MARCHF7: variants seen among roughly 807,000 people sequenced by gnomAD.
MARCHF7 encodes the protein E3 ubiquitin-protein ligase MARCHF7.
MARCHF7 carries 20 observed loss-of-function variants against 76.5 expected under a neutral mutation model. The observed-to-expected ratio is 0.26, with a 90% CI of 0.18 to 0.38. The LOEUF (loss-of-function observed/expected upper bound fraction) is 0.38. Among genes scored for constraint, MARCHF7 ranks in the 10% least tolerant of loss-of-function variants. The probability of loss-of-function intolerance (pLI) is 1.00; values close to 1 mark genes in which losing one functional copy is unlikely to be tolerated. For missense variants in MARCHF7, 797 were observed against 812.9 expected (o/e 0.98, Z 0.24); for synonymous variants, 295 against 293.0 (o/e 1.01, Z -0.07).
chr2:159,761,294 G>A (rs1707034452), intron 9 of MARCHF7, among the ~76,000 whole-genome samples: 1 of 151,512 alleles, frequency 6.6e-6, no homozygotes, highest in African/African-American at 2.4e-5. Flanking sequence ...AAAGTGCTGG[G>A]ATTACAGGCG....
chr2:159,722,373 A>G (rs542538169), intron 3 of MARCHF7, among the ~76,000 whole-genome samples: 1 of 152,280 alleles, frequency 6.6e-6, no homozygotes, highest in South Asian at 2.1e-4. Context: ...CCTGGCCTCA[A>G]GTGATCCACC....
rs1349808042 is a variant in MARCHF7 at position 159,768,454 on chromosome 2, ACTT to A, written c.*1113_*1115del. ...AGGTCTGATGTTATGGCAACAAACT[ACTT>A]TTTCAAACCTAAATAGGAACCATGT... is the stretch of plus-strand genomic sequence containing the variant. On this transcript the variant is annotated 3_prime_UTR_variant, in exon 12 of 12. Coordinates refer to ENST00000409175, the MANE Select transcript of MARCHF7 (RefSeq NM_001282805.2). The A allele has an allele frequency of 2.0e-5, 3 of 152,622 alleles. No homozygotes were observed. Among genetic ancestry groups the A allele is most frequent in the Non-Finnish European group, 4.4e-5 (3 of 68,016 alleles). The allele number at this position is 152,622 out of a possible 1,614,324, so 9.5% of individuals were successfully genotyped here.
At chr2:159,765,414 G>GTGGGCA in intron 11 of MARCHF7, among the ~76,000 whole-genome samples, 1 of 152,078 alleles carries the variant, frequency 6.6e-6, no homozygotes, top group East Asian at 1.9e-4. Context: ...TTCATACCAT[G>GTGGGCA]TGGGCATAGG....
chr2:159,713,926 T>TC (rs1194482243), intron 1 of MARCHF7, among the ~76,000 whole-genome samples: 3 of 152,238 alleles, frequency 2.0e-5, no homozygotes, highest in Non-Finnish European at 2.9e-5. Context: ...TTGGTTTTTT[T>TC]CCAAGTTTAG....
chr2:159,748,095 G>T lies in MARCHF7; in HGVS notation c.805G>T (p.Glu269Ter). The T allele has an allele frequency of 1.2e-6, 2 of 1,614,116 alleles. No homozygotes were observed. Among genetic ancestry groups the T allele is most frequent in the Non-Finnish European group, 1.7e-6 (2 of 1,180,004 alleles). Residue 269 changes from glutamate to a stop codon, truncating the protein, a stop_gained, in exon 7 of 12, where the codon GAA becomes TAA. Transcript: ENST00000409175. LOFTEE classifies it high-confidence loss of function. ...TGTTTCATCTCAAAGACCATTTCAA[G>T]AATCTTCTGACAATGAAGGTAGGCG... Reference protein sequence around the residue: ...RVVSSQRPFQESSDNEGRRTT... With the variant: ...RVVSSQRPFQ
intron 6 of MARCHF7, among the ~76,000 whole-genome samples, chr2:159,746,514 G>C (rs536720471): frequency 5.9e-5 from 9 of 152,360 alleles, no homozygotes; most frequent in African/African-American, 2.2e-4. Context: ...CGATTCTCCT[G>C]TGTCAGCCTC....
At position 159,768,605 on chromosome 2, in the gene MARCHF7, G is replaced by A. The variant is rs557193248; in HGVS notation, c.*1263G>A. ...TGTTTGAAATGTTTCCTTTTAAACT[G>A]GTGCTCAAAGAAGACATCAGACTTC... On this transcript the variant is annotated 3_prime_UTR_variant, in exon 12 of 12. Coordinates refer to ENST00000409175, the MANE Select transcript of MARCHF7 (RefSeq NM_001282805.2). 1 of 152,606 alleles carries A rather than the reference G, an allele frequency of 6.6e-6. No individual in the cohort carries two copies. Among genetic ancestry groups the A allele is most frequent in the East Asian group, 1.9e-4 (1 of 5,192 alleles). The allele number at this position is 152,606 out of a possible 1,614,324, so 9.5% of individuals were successfully genotyped here.
intron 1 of MARCHF7, among the ~76,000 whole-genome samples, chr2:159,714,109 T>G (rs1700715963): frequency 6.6e-6 from 1 of 152,186 alleles, no homozygotes. Flanking sequence ...CATCCATGAC[T>G]CTCATGTAGC....
intron 9 of MARCHF7, among the ~76,000 whole-genome samples, chr2:159,762,228 G>A (rs1707199965): frequency 6.6e-6 from 1 of 152,030 alleles, no homozygotes; most frequent in Non-Finnish European, 1.5e-5. Context: ...CCTTTCTTTT[G>A]TTCTCTGGAG....
intron 9 of MARCHF7, among the ~76,000 whole-genome samples, chr2:159,760,018 A>G (rs1260247261): frequency 6.6e-6 from 1 of 152,186 alleles, no homozygotes; most frequent in Non-Finnish European, 1.5e-5. Context: ...TACAAAACAT[A>G]AAAACCATTT....
chr2:159,713,409 G>T (rs142006055), intron 1 of MARCHF7, among the ~76,000 whole-genome samples: 66 of 152,236 alleles, frequency 4.3e-4, no homozygotes, highest in African/African-American at 1.4e-3. Flanking sequence ...AAGTCTATCT[G>T]GGTAATAAAT....
At chr2:159,737,316 T>TA (rs1211511872) in intron 4 of MARCHF7, among the ~76,000 whole-genome samples, 2 of 152,174 alleles carry the variant, frequency 1.3e-5, no homozygotes, top group Non-Finnish European at 2.9e-5. Flanking sequence ...GAAGAACTCT[T>TA]ACCTCTCAAC....
chr2:159,755,126 A>G (rs372982433), intron 8 of MARCHF7, among the ~76,000 whole-genome samples: 1 of 152,214 alleles, frequency 6.6e-6, no homozygotes, highest in African/African-American at 2.4e-5. Flanking sequence ...CCAGGAGGAA[A>G]GTAAGGACCT....
At chr2:159,735,123 A>G (rs1262479186) in intron 4 of MARCHF7, among the ~76,000 whole-genome samples, 1 of 152,204 alleles carries the variant, frequency 6.6e-6, no homozygotes, top group Non-Finnish European at 1.5e-5. Context: ...CAAACAAGGG[A>G]GAGCTCAAAG....
chr2:159,753,003 AG>A (rs1482403194), intron 8 of MARCHF7, among the ~76,000 whole-genome samples: 1 of 152,238 alleles, frequency 6.6e-6, no homozygotes, highest in East Asian at 1.9e-4. Context: ...AATGGAGCCC[AG>A]GCACAGTAGT....
In MARCHF7 at chr2:159,767,475, A is replaced by C; in HGVS notation, c.*133A>C. ...ATATAAAATGAATATATACATACAC[A>C]TGTATGCCTGTATATATATATTCAT... On this transcript the variant is annotated 3_prime_UTR_variant, in exon 12 of 12. Coordinates refer to ENST00000409175, the MANE Select transcript of MARCHF7 (RefSeq NM_001282805.2). The C allele has an allele frequency of 1.7e-6, 1 of 577,986 alleles. No homozygotes were observed. Among genetic ancestry groups the C allele is most frequent in the Non-Finnish European group, 3.0e-6 (1 of 332,872 alleles). 35.8% of individuals were successfully genotyped at this position (577,986 alleles called of 1,614,324 possible). A position where few individuals can be genotyped will look rare whatever the true frequency, so the allele number is the denominator to read the frequency against.
At chr2:159,722,704 GTT>G (rs1224484259) in intron 3 of MARCHF7, among the ~76,000 whole-genome samples, 1 of 152,086 alleles carries the variant, frequency 6.6e-6, no homozygotes, top group Non-Finnish European at 1.5e-5. Context: ...GCACATTTTT[GTT>G]TTTCACTATA....
chr2:159,754,241 A>T (rs1706020191), intron 8 of MARCHF7, among the ~76,000 whole-genome samples: 1 of 152,216 alleles, frequency 6.6e-6, no homozygotes, highest in Non-Finnish European at 1.5e-5. Flanking sequence ...GTGAGAACAG[A>T]GGAGATTTGA....
chr2:159,748,614 G>A lies in MARCHF7; in HGVS notation c.1324G>A (p.Gly442Arg), dbSNP rs775857969. 3.1e-6 allele frequency: 5 copies of A among 1,614,170 alleles called. No individual in the cohort carries two copies. In the South Asian group the frequency reaches 5.5e-5, roughly 18 times the overall value. Residue 442 changes from glycine to arginine, a missense_variant, in exon 7 of 12, where the codon GGA becomes AGA. This residue lies in a region of MARCHF7 where 643 missense variants were observed against 631.5 expected (regional missense o/e 1.02). Coordinates refer to ENST00000409175, the MANE Select transcript of MARCHF7 (RefSeq NM_001282805.2). ...CCTTGAAGCACAGAATGATCCTCTT[G>A]GAGCTGCTGCCAACAGACCACAAGC... ...VHLEAQNDPL[G>R]AAANRPQASA...
Sources: gnomAD v4.1 joint callset for allele counts (sites outside exome capture counted in the v4.1 genomes callset) on GRCh38, gnomAD v4.1.1 for gene constraint, gnomAD v4.1.1 regional missense constraint, MANE v1.5 for transcripts, NCBI Gene and HGNC (gene_info 2026-07-23, HGNC 2026-07-21) for gene names.